The following AUTS2 variants were observed in gnomAD, a reference collection of about 807,000 sequenced individuals.
AUTS2 encodes the protein autism susceptibility gene 2 protein.
Under a neutral mutation model 112.4 loss-of-function variants are expected in AUTS2, and 17 were observed. That is an observed-to-expected ratio of 0.15 (90% CI 0.10 to 0.23). The LOEUF (loss-of-function observed/expected upper bound fraction) is 0.23, where lower values mean the gene tolerates loss of function less well. Among genes scored for constraint, AUTS2 ranks in the 10% least tolerant of loss-of-function variants. The probability of loss-of-function intolerance (pLI) is 1.00; values close to 1 mark genes in which losing one functional copy is unlikely to be tolerated. For missense variants in AUTS2, 1,510 were observed against 1,701.6 expected (o/e 0.89, Z 1.98); for synonymous variants, 751 against 702.7 (o/e 1.07, Z -1.09).
intron 4 of AUTS2, among the ~76,000 whole-genome samples, chr7:70,270,956 G>A (rs149396495): frequency 6.6e-6 from 1 of 152,228 alleles, no homozygotes; most frequent in African/African-American, 2.4e-5. Context: ...TCCCCTGAGT[G>A]CGGGCAAGCC....
chr7:69,777,206 C>T (rs970199575), intron 1 of AUTS2, among the ~76,000 whole-genome samples: 1 of 152,144 alleles, frequency 6.6e-6, no homozygotes, highest in Admixed American at 6.6e-5. Flanking sequence ...AGTATGTGCA[C>T]GTTTTAATAA....
intron 6 of AUTS2, among the ~76,000 whole-genome samples, chr7:70,758,304 T>C (rs1387444455): frequency 1.3e-5 from 2 of 152,150 alleles, no homozygotes; most frequent in African/African-American, 4.8e-5. Context: ...TTTCATTGTG[T>C]CTGTAGACTA....
chr7:70,468,095 T>C (rs140819465), intron 5 of AUTS2, among the ~76,000 whole-genome samples: 1,540 of 152,252 alleles, frequency 0.01, 17 homozygotes, highest in Non-Finnish European at 0.015. Context: ...TTATTTTGAC[T>C]CAACAGTTGG....
intron 1 of AUTS2, among the ~76,000 whole-genome samples, chr7:69,618,022 A>G (rs1793469456): frequency 6.6e-6 from 1 of 152,184 alleles, no homozygotes; most frequent in African/African-American, 2.4e-5. Context: ...TCTAACCCTC[A>G]CAACAACTCT....
intron 1 of AUTS2, among the ~76,000 whole-genome samples, chr7:69,709,479 CCT>C (rs1365903795): frequency 6.6e-6 from 1 of 152,090 alleles, no homozygotes; most frequent in Non-Finnish European, 1.5e-5. Context: ...AACTTCTCAC[CCT>C]GTGTTGAAAA....
At chr7:70,069,686 A>G (rs1275390530) in intron 2 of AUTS2, among the ~76,000 whole-genome samples, 4 of 148,466 alleles carry the variant, frequency 2.7e-5, no homozygotes, top group South Asian at 2.2e-4. Flanking sequence ...GTCAAATTCT[A>G]TCAAAGGCCA....
chr7:69,726,510 G>GTT (rs144686827), intron 1 of AUTS2, among the ~76,000 whole-genome samples: 4 of 139,594 alleles, frequency 2.9e-5, no homozygotes, highest in South Asian at 2.3e-4. Flanking sequence ...TCTTGTACAA[G>GTT]TTTTTTTTTT....
intron 1 of AUTS2, among the ~76,000 whole-genome samples, chr7:69,636,774 AT>A (rs1794561656): frequency 6.7e-6 from 1 of 148,768 alleles, no homozygotes; most frequent in East Asian, 2.0e-4. Context: ...GTCCTACAAC[AT>A]TTTTTTTTGA....
chr7:70,458,830 A>T (rs1796850615), intron 5 of AUTS2, among the ~76,000 whole-genome samples: 1 of 152,214 alleles, frequency 6.6e-6, no homozygotes. Flanking sequence ...CTTCTTGACA[A>T]TTGTGCTGTG....
intron 5 of AUTS2, chr7:70,437,826 T>G (rs1795958516): frequency 1.6e-5 from 2 of 128,326 alleles, no homozygotes; most frequent in Non-Finnish European, 1.6e-5. Flanking sequence ...GGTGACAGAG[T>G]GAGATTCCAT....
intron 1 of AUTS2, among the ~76,000 whole-genome samples, chr7:69,725,020 T>C (rs1786439660): frequency 6.6e-6 from 1 of 152,196 alleles, no homozygotes. Context: ...TCTTCAGTCC[T>C]TCATAGAGAA....
At chr7:70,110,974 C>G (rs1237829144) in intron 2 of AUTS2, among the ~76,000 whole-genome samples, 1 of 150,454 alleles carries the variant, frequency 6.6e-6, no homozygotes, top group Non-Finnish European at 1.5e-5. Context: ...CGGGTTCAGG[C>G]CATTCTCCTG....
intron 10 of AUTS2, among the ~76,000 whole-genome samples, chr7:70,769,424 GC>G (rs1305159591): frequency 2.0e-5 from 3 of 152,344 alleles, no homozygotes; most frequent in African/African-American, 4.8e-5. Context: ...AGTGGCTCAT[GC>G]CTGTAATCCC....
At chr7:70,546,502 G>A (rs1022305939) in intron 5 of AUTS2, among the ~76,000 whole-genome samples, 1 of 151,942 alleles carries the variant, frequency 6.6e-6, no homozygotes, top group Non-Finnish European at 1.5e-5. Flanking sequence ...TTCAGGGCCA[G>A]GCGTGGTAGC....
chr7:69,909,715 A>G (rs1230686844), intron 2 of AUTS2, among the ~76,000 whole-genome samples: 1 of 152,210 alleles, frequency 6.6e-6, no homozygotes, highest in Non-Finnish European at 1.5e-5. Context: ...CAGAATAAAA[A>G]TTCTCATAAG....
chr7:69,916,779 C>T (rs1483560490), intron 2 of AUTS2, among the ~76,000 whole-genome samples: 1 of 152,160 alleles, frequency 6.6e-6, no homozygotes, highest in African/African-American at 2.4e-5. Flanking sequence ...TTCTATCCTT[C>T]CTGCGAGTGC....
In AUTS2 at chr7:70,731,420, C is replaced by CTTTTTTTT. The variant is rs56244002; in HGVS notation, c.743-31430_743-31423dup. 6.0e-4 allele frequency among the ~76,000 whole-genome samples: 42 copies of CTTTTTTTT among 69,510 alleles called. 6 individuals are homozygous for CTTTTTTTT. Among genetic ancestry groups the CTTTTTTTT allele is most frequent in the East Asian group, 2.2e-3 (4 of 1,798 alleles). 45.6% of individuals were successfully genotyped at this position (69,510 alleles called of 152,430 possible). ...GCTCATATATCCCCTTTACCCAGAT[C>CTTTTTTTT]TTTTTTTTTTTTTTTTTTTTTTTTT... On this transcript the variant is annotated intron_variant, in intron 6 of 18. Coordinates refer to ENST00000342771, the MANE Select transcript of AUTS2 (RefSeq NM_015570.4).
intron 5 of AUTS2, among the ~76,000 whole-genome samples, chr7:70,470,437 T>C (rs1797334858): frequency 6.6e-6 from 1 of 152,244 alleles, no homozygotes; most frequent in Admixed American, 6.5e-5. Flanking sequence ...TTCAGATGTT[T>C]GGAAGTCTGC....
At chr7:70,254,021 A>T (rs955088942) in intron 4 of AUTS2, among the ~76,000 whole-genome samples, 2 of 151,910 alleles carry the variant, frequency 1.3e-5, no homozygotes, top group East Asian at 1.9e-4. Context: ...CAAAAACTAA[A>T]TTTTTTTTCT....
Sources: gnomAD v4.1 joint callset for allele counts (sites outside exome capture counted in the v4.1 genomes callset) on GRCh38, gnomAD v4.1.1 for gene constraint, MANE v1.5 for transcripts, NCBI Gene and HGNC (gene_info 2026-07-23, HGNC 2026-07-21) for gene names.